NDUFAF6: variants seen among roughly 807,000 people sequenced by gnomAD.
NDUFAF6 encodes the protein NADH dehydrogenase (ubiquinone) complex I, assembly factor 6.
A neutral mutation model predicts 40.8 loss-of-function variants in NDUFAF6; 45 were observed. The ratio of observed to expected loss-of-function variants is 1.10; its 90% CI spans 0.87 to 1.42. NDUFAF6 has a LOEUF of 1.42. NDUFAF6 is among the 40% of genes most tolerant of loss of function. The probability of loss-of-function intolerance (pLI) is 0.00; values close to 1 mark genes in which losing one functional copy is unlikely to be tolerated. For synonymous variants in NDUFAF6, 185 were observed against 155.9 expected, an observed-to-expected ratio of 1.19 and a Z score of -1.39; for missense variants, 435 against 418.5, an observed-to-expected ratio of 1.04 and a Z score of -0.34.
At chr8:95,080,643 G>GT (rs149051662), downstream of NDUFAF6, among the ~76,000 whole-genome samples, 13 of 151,128 alleles carry the variant, frequency 8.6e-5, no homozygotes, top group Admixed American at 5.3e-4. Flanking sequence ...TTTTTGTAGT[G>GT]ATTTTTGGTA....
chr8:94,988,409 A>C (rs563251423), intron 2 of NDUFAF6: 1 of 152,324 alleles, frequency 6.6e-6, no homozygotes, highest in South Asian at 2.1e-4. Flanking sequence ...AGAACAACAG[A>C]GAAAAGAAAA....
intron 1 of NDUFAF6, among the ~76,000 whole-genome samples, chr8:94,921,896 G>T (rs1001159629): frequency 6.6e-6 from 1 of 152,254 alleles, no homozygotes; most frequent in Non-Finnish European, 1.5e-5. Context: ...TGGAATAGTA[G>T]TGGCAGCATG....
intron 1 of NDUFAF6, among the ~76,000 whole-genome samples, chr8:94,970,253 C>CAA (rs891358442): frequency 0.013 from 828 of 62,720 alleles, 19 homozygotes; most frequent in African/African-American, 0.048. Context: ...GACTCCGTCT[C>CAA]AAAAAAAAAA....
intron 1 of NDUFAF6, among the ~76,000 whole-genome samples, chr8:94,917,835 T>C (rs1171690445): frequency 2.0e-5 from 3 of 152,236 alleles, no homozygotes; most frequent in Non-Finnish European, 4.4e-5. Context: ...TGATAATTCT[T>C]AAGTTTATTC....
intron 1 of NDUFAF6, chr8:94,931,989 C>A: frequency 2.1e-6 from 3 of 1,399,486 alleles, no homozygotes; most frequent in Non-Finnish European, 2.9e-6. Context: ...GAAAGAAAGT[C>A]ATTTTTAAAA....
chr8:95,060,226 T>C, downstream of NDUFAF6, among the ~76,000 whole-genome samples: 1 of 152,236 alleles, frequency 6.6e-6, no homozygotes, highest in East Asian at 1.9e-4. Flanking sequence ...ATTAATTTCC[T>C]GGTGTAAAAG....
chr8:94,914,434 C>T (rs76781661), intron 1 of NDUFAF6, among the ~76,000 whole-genome samples: 3,113 of 152,160 alleles, frequency 0.02, 37 homozygotes, highest in African/African-American at 0.032. Flanking sequence ...TTACATGTAC[C>T]TCTCAAACAT....
At chr8:94,920,661 G>A (rs1197430764) in intron 1 of NDUFAF6, among the ~76,000 whole-genome samples, 1 of 152,198 alleles carries the variant, frequency 6.6e-6, no homozygotes, top group African/African-American at 2.4e-5. Context: ...GTTGCAGAAT[G>A]TCTGCCCAGG....
intron 3 of NDUFAF6, among the ~76,000 whole-genome samples, chr8:95,039,517 A>G (rs1829921703): frequency 1.3e-5 from 2 of 149,446 alleles, no homozygotes; most frequent in South Asian, 2.1e-4. Context: ...AGCTCAAGCT[A>G]TTCTCCCACC....
Position 95,041,729 on chromosome 8 carries a change from G to A in NDUFAF6, c.477+103G>A, listed in dbSNP as rs1830169409. 3 of 997,168 alleles carry A rather than the reference G, an allele frequency of 3.0e-6. 1 individual carries two copies. Among genetic ancestry groups the A allele is most frequent in the Non-Finnish European group, 4.8e-6 (3 of 625,174 alleles). 61.8% of individuals were successfully genotyped at this position (997,168 alleles called of 1,614,324 possible). A position where few individuals can be genotyped will look rare whatever the true frequency, so the allele number is the denominator to read the frequency against. On this transcript the variant is annotated intron_variant, in intron 4 of 8. Coordinates refer to ENST00000396124, the MANE Select transcript of NDUFAF6 (RefSeq NM_152416.4). ...TTGACTGTATATTAATATTTTGGAG[G>A]AAGGAAACTTTTAGAGAATTATGCC...
At chr8:94,978,242 C>G (rs989468371) in intron 1 of NDUFAF6, among the ~76,000 whole-genome samples, 18 of 152,158 alleles carry the variant, frequency 1.2e-4, no homozygotes, top group Non-Finnish European at 2.5e-4. Context: ...ACCCATCATG[C>G]CGATGTGATG....
intron 1 of NDUFAF6, among the ~76,000 whole-genome samples, chr8:94,960,050 G>A (rs1011454250): frequency 3.3e-5 from 5 of 152,178 alleles, no homozygotes; most frequent in Non-Finnish European, 7.3e-5. Flanking sequence ...GTAAACCTTG[G>A]CTTCACATTT....
chr8:95,087,348 T>C (rs1809085108), intron 2 of NDUFAF6, among the ~76,000 whole-genome samples: 2 of 152,252 alleles, frequency 1.3e-5, no homozygotes, highest in Admixed American at 1.3e-4. Flanking sequence ...TGTGATTCTT[T>C]GTACTTTTTC....
chr8:95,035,715 A>G (rs756709638), intron 3 of NDUFAF6, 139 bp downstream of exon 3: 28 of 835,158 alleles, frequency 3.4e-5, no homozygotes, highest in Non-Finnish European at 4.7e-5. Flanking sequence ...CAGAGCTGTT[A>G]TAGTTTTGGC....
At chr8:95,089,306 A>T (rs1587261410) in intron 2 of NDUFAF6, among the ~76,000 whole-genome samples, 1 of 151,586 alleles carries the variant, frequency 6.6e-6, no homozygotes, top group Non-Finnish European at 1.5e-5. Context: ...GCCTGCATGA[A>T]CTCATGAACT....
intron 1 of NDUFAF6, among the ~76,000 whole-genome samples, chr8:94,916,538 G>T (rs1819132954): frequency 6.6e-6 from 1 of 152,346 alleles, no homozygotes; most frequent in East Asian, 1.9e-4. Context: ...AATGGGCCGG[G>T]TGCAGTGGCT....
intron 2 of NDUFAF6, among the ~76,000 whole-genome samples, chr8:95,012,667 T>TAAATAAATAAAC (rs753278652): frequency 1.5e-4 from 22 of 150,528 alleles, no homozygotes; most frequent in Admixed American, 3.3e-4. Context: ...AATAAATAAA[T>TAAATAAATAAAC]AAACAAATAA....
chr8:95,098,271 G>T (rs1307367147), upstream of NDUFAF6, among the ~76,000 whole-genome samples: 3 of 152,038 alleles, frequency 2.0e-5, no homozygotes, highest in Non-Finnish European at 2.9e-5. Flanking sequence ...GGTGGCTCAC[G>T]CCTGTAATCC....
At chr8:95,031,390 T>C (rs1056888845) in intron 1 of NDUFAF6, among the ~76,000 whole-genome samples, 1 of 152,242 alleles carries the variant, frequency 6.6e-6, no homozygotes, top group African/African-American at 2.4e-5. Context: ...CAATATTTGC[T>C]TGAACTATTT....
Sources: allele counts gnomAD v4.1 joint callset (sites outside exome capture counted in the v4.1 genomes callset), GRCh38; gene constraint gnomAD v4.1.1; transcripts MANE v1.5; gene names NCBI Gene and HGNC (gene_info 2026-07-23, HGNC 2026-07-21).